The following NFIA variants were observed in gnomAD, a reference collection of about 807,000 sequenced individuals.
The protein encoded by NFIA is nuclear factor 1 A-type.
A neutral mutation model predicts 62.8 loss-of-function variants in NFIA; 8 were observed. That is an observed-to-expected ratio of 0.13 (90% CI 0.07 to 0.23). The LOEUF (loss-of-function observed/expected upper bound fraction) is 0.23, where lower values mean the gene tolerates loss of function less well. Among genes scored for constraint, NFIA ranks in the 10% least tolerant of loss-of-function variants. The pLI, the probability that NFIA is intolerant of heterozygous loss-of-function variation, is 1.00. For synonymous variants in NFIA, 235 were observed against 238.1 expected (o/e 0.99, Z 0.12); for missense variants, 410 against 642.1 (o/e 0.64, Z 3.91).
At chr1:61,127,031 C>G (rs1646986807) in intron 2 of NFIA, among the ~76,000 whole-genome samples, 1 of 151,222 alleles carries the variant, frequency 6.6e-6, no homozygotes, top group South Asian at 2.1e-4. Flanking sequence ...CTCAGGCAGT[C>G]TGCCTGCCTC....
Position 61,459,810 on chromosome 1 carries a change from T to C in NFIA, c.*4490T>C, listed in dbSNP as rs1447656677. On this transcript the variant is annotated 3_prime_UTR_variant, in exon 11 of 11. Transcript: ENST00000403491. Reference sequence around the variant, plus strand: ...TGGATAAGGAAAAACCTTTTTTTTCTATGAATTTTTTTTGTTTTTTAGGGG... The same window carrying C: ...TGGATAAGGAAAAACCTTTTTTTTCCATGAATTTTTTTTGTTTTTTAGGGG... The C allele has an allele frequency of 6.6e-6, 1 of 152,054 alleles. No individual in the cohort carries two copies. Among genetic ancestry groups the C allele is most frequent in the African/African-American group, 2.4e-5 (1 of 41,312 alleles). The allele number at this position is 152,054 out of a possible 1,614,324, so 9.4% of individuals were successfully genotyped here.
intron 4 of NFIA, among the ~76,000 whole-genome samples, chr1:61,335,323 CT>C (rs1183331940): frequency 2.0e-5 from 3 of 152,168 alleles, no homozygotes; most frequent in African/African-American, 7.2e-5. Flanking sequence ...ATTACCTTGG[CT>C]GCCTGGGTAA....
At chr1:61,084,332 T>C (rs540841724) in intron 1 of NFIA, among the ~76,000 whole-genome samples, 2 of 152,300 alleles carry the variant, frequency 1.3e-5, no homozygotes, top group Admixed American at 1.3e-4. Flanking sequence ...CTCAGAAGAC[T>C]CTTAAACGCA....
intron 2 of NFIA, among the ~76,000 whole-genome samples, chr1:61,179,542 A>G (rs1165758730): frequency 1.3e-5 from 2 of 152,322 alleles, no homozygotes; most frequent in African/African-American, 2.4e-5. Flanking sequence ...AGTCATTGCC[A>G]TTGGAGCTCC....
At position 61,458,640 on chromosome 1, in the gene NFIA, T is replaced by G. The variant is rs1668406603; in HGVS notation, c.*3320T>G. On this transcript the variant is annotated 3_prime_UTR_variant, in exon 11 of 11. Coordinates refer to ENST00000403491, the MANE Select transcript of NFIA (RefSeq NM_001134673.4). Reference sequence around the variant, plus strand: ...TCATAGAATTGCTTTTCTTTCTTTTTACCCCCCCTTTGGGAACTGGATTTA... The same window carrying G: ...TCATAGAATTGCTTTTCTTTCTTTTGACCCCCCCTTTGGGAACTGGATTTA... The G allele has an allele frequency of 6.6e-6, 1 of 151,984 alleles. No individual in the cohort carries two copies. Among genetic ancestry groups the G allele is most frequent in the African/African-American group, 2.4e-5 (1 of 41,422 alleles). The allele number at this position is 151,984 out of a possible 1,614,324, so 9.4% of individuals were successfully genotyped here.
chr1:61,131,767 C>G (rs933677479), intron 2 of NFIA, among the ~76,000 whole-genome samples: 6 of 152,038 alleles, frequency 3.9e-5, no homozygotes, highest in African/African-American at 1.2e-4. Flanking sequence ...TTAAGTTGAT[C>G]AGTCAGGATA....
At chr1:61,146,287 G>A (rs1647972030) in intron 2 of NFIA, among the ~76,000 whole-genome samples, 1 of 152,114 alleles carries the variant, frequency 6.6e-6, no homozygotes. Flanking sequence ...CAGCTGCAGA[G>A]TCCCTTTTGT....
intron 2 of NFIA, among the ~76,000 whole-genome samples, chr1:61,200,446 C>T (rs1369234127): frequency 1.3e-5 from 2 of 152,070 alleles, no homozygotes; most frequent in African/African-American, 4.8e-5. Context: ...TTAATTGATC[C>T]ATTCTTTAGA....
intron 2 of NFIA, among the ~76,000 whole-genome samples, chr1:61,098,766 C>T (rs1176797153): frequency 6.6e-6 from 1 of 152,098 alleles, no homozygotes; most frequent in Non-Finnish European, 1.5e-5. Flanking sequence ...GATTTCTTAG[C>T]TTACTGTATA....
chr1:61,087,193 A>T (rs1010337121), intron 1 of NFIA, among the ~76,000 whole-genome samples: 1 of 152,088 alleles, frequency 6.6e-6, no homozygotes, highest in Admixed American at 6.5e-5. Flanking sequence ...TTTAAGAGGC[A>T]TCTATGAGGG....
intron 2 of NFIA, among the ~76,000 whole-genome samples, chr1:61,256,501 G>A (rs368806664): frequency 8.6e-5 from 13 of 151,402 alleles, no homozygotes; most frequent in Admixed American, 2.6e-4. Flanking sequence ...GTGTTGGGCC[G>A]TGTTCAAAGC....
intron 10 of NFIA, among the ~76,000 whole-genome samples, chr1:61,454,180 A>G (rs998634396): frequency 2.0e-5 from 3 of 152,252 alleles, no homozygotes; most frequent in African/African-American, 7.2e-5. Context: ...TAAAGAATTC[A>G]GAAGCATTGG....
At chr1:61,263,751 T>A (rs1656922893) in intron 2 of NFIA, among the ~76,000 whole-genome samples, 1 of 151,984 alleles carries the variant, frequency 6.6e-6, no homozygotes, top group Non-Finnish European at 1.5e-5. Flanking sequence ...TCCCAGCACT[T>A]TGGGAGGCTG....
At chr1:61,124,553 A>G (rs1180843400) in intron 2 of NFIA, among the ~76,000 whole-genome samples, 2 of 152,154 alleles carry the variant, frequency 1.3e-5, no homozygotes, top group Admixed American at 6.5e-5. Context: ...ATTATCAGCA[A>G]GGTTCTTTCC....
chr1:61,395,806 ACT>A (rs750317462), intron 7 of NFIA, among the ~76,000 whole-genome samples: 3 of 152,182 alleles, frequency 2.0e-5, no homozygotes, highest in Non-Finnish European at 4.4e-5. Flanking sequence ...AAAGTAGCAC[ACT>A]CAGGTTTTTT....
chr1:61,438,516 G>A (rs1352726855), intron 10 of NFIA, among the ~76,000 whole-genome samples: 2 of 152,088 alleles, frequency 1.3e-5, no homozygotes, highest in Non-Finnish European at 2.9e-5. Context: ...GCATCCTCCC[G>A]TGTCCATTTT....
chr1:61,145,753 C>T (rs995665851), intron 2 of NFIA, among the ~76,000 whole-genome samples: 1 of 152,106 alleles, frequency 6.6e-6, no homozygotes, highest in African/African-American at 2.4e-5. Context: ...TCCAGTCAAA[C>T]CATTTGGCGT....
rs576613886 is a variant in NFIA at position 61,283,581 on chromosome 1, C to CAAAAAAAAAAAAAAAAAAA, written c.625+6005_625+6023dup. ...TGGGTGACAGAACGAGACTCTGTCT[C>CAAAAAAAAAAAAAAAAAAA]AAAAAAAAAAAAAAAAAAAAAAAAA... On this transcript the variant is annotated intron_variant, in intron 3 of 10. Coordinates refer to ENST00000403491, the MANE Select transcript of NFIA (RefSeq NM_001134673.4). 7.6e-4 allele frequency among the ~76,000 whole-genome samples: 28 copies of CAAAAAAAAAAAAAAAAAAA among 36,694 alleles called. 1 individual carries two copies. Among genetic ancestry groups the CAAAAAAAAAAAAAAAAAAA allele is most frequent in the East Asian group, 2.7e-3 (3 of 1,092 alleles). The allele number at this position is 36,694 out of a possible 152,430, so 24.1% of individuals were successfully genotyped here.
Position 61,325,779 on chromosome 1 carries a change from G to A in NFIA, c.626-6733G>A, listed in dbSNP as rs576164494. Among the ~76,000 whole-genome samples, 7 of 152,086 alleles carry A rather than the reference G, an allele frequency of 4.6e-5. No homozygotes were observed. In the South Asian group the frequency reaches 8.3e-4, roughly 18 times the overall value. On this transcript the variant is annotated intron_variant, in intron 3 of 10. Transcript: ENST00000403491. ...TAAAAATACAAAAAATTAGCAGGGC[G>A]TGGTGGCAGGCGCCTGTGGTTCCAG...
Sources: gnomAD v4.1 joint callset for allele counts (sites outside exome capture counted in the v4.1 genomes callset) on GRCh38, gnomAD v4.1.1 for gene constraint, MANE v1.5 for transcripts, NCBI Gene and HGNC (gene_info 2026-07-23, HGNC 2026-07-21) for gene names.